Variants in KIF26B observed in about 807,000 individuals in gnomAD.
The protein encoded by KIF26B is kinesin family member 26B, also known as kinesin-like protein KIF26B.
In KIF26B, 63 loss-of-function variants were observed where a neutral mutation model predicts 151.2. That is an observed-to-expected ratio of 0.42 (90% CI 0.34 to 0.51). The LOEUF (loss-of-function observed/expected upper bound fraction) is 0.51, where lower values mean the gene tolerates loss of function less well. Among genes scored for constraint, KIF26B ranks in the 20% least tolerant of loss-of-function variants. The probability of loss-of-function intolerance (pLI) is 0.07; values close to 1 mark genes in which losing one functional copy is unlikely to be tolerated. For missense variants in KIF26B, 2,813 were observed against 2,913.6 expected (o/e 0.97, Z 0.79); for synonymous variants, 1,357 against 1,262.1 (o/e 1.08, Z -1.59).
chr1:245,536,301 CTCTT>C (rs1386859357), intron 4 of KIF26B, among the ~76,000 whole-genome samples: 6 of 151,956 alleles, frequency 3.9e-5, no homozygotes, highest in Non-Finnish European at 7.3e-5. Context: ...TCTTGAAAGA[CTCTT>C]TCCTTCCTCT....
intron 2 of KIF26B, among the ~76,000 whole-genome samples, chr1:245,312,980 T>C (rs1375575697): frequency 6.6e-6 from 1 of 151,952 alleles, no homozygotes; most frequent in African/African-American, 2.4e-5. Context: ...GCCAACCTGG[T>C]GAGACCCGTC....
At chr1:245,426,177 C>G (rs1176184077) in intron 4 of KIF26B, among the ~76,000 whole-genome samples, 1 of 151,714 alleles carries the variant, frequency 6.6e-6, no homozygotes, top group Middle Eastern at 3.2e-3. Context: ...GCTTCTTTCT[C>G]TCTCTCCCCC....
intron 5 of KIF26B, among the ~76,000 whole-genome samples, chr1:245,570,438 C>G (rs368975189): frequency 9.2e-5 from 14 of 152,312 alleles, no homozygotes; most frequent in African/African-American, 3.1e-4. Flanking sequence ...CTGATACCAA[C>G]TGGGGCTTTC....
intron 9 of KIF26B, 107 bp downstream of exon 9, chr1:245,612,083 TGTGTG>T: frequency 1.4e-6 from 1 of 701,926 alleles, no homozygotes. Flanking sequence ...TGTGTGTGTG[TGTGTG>T]TGTGTGTGTG....
intron 2 of KIF26B, among the ~76,000 whole-genome samples, chr1:245,221,401 T>G (rs1669765317): frequency 6.8e-6 from 1 of 147,838 alleles, no homozygotes; most frequent in Admixed American, 6.8e-5. Flanking sequence ...AAAAAAAAAT[T>G]CTGTTCTTCC....
At chr1:245,463,485 G>C (rs371964722) in intron 4 of KIF26B, among the ~76,000 whole-genome samples, 1 of 152,228 alleles carries the variant, frequency 6.6e-6, no homozygotes, top group African/African-American at 2.4e-5. Context: ...GGAAAGGGCA[G>C]CTGGGGGTGA....
At chr1:245,175,680 A>G (rs1452453145) in intron 2 of KIF26B, among the ~76,000 whole-genome samples, 1 of 152,132 alleles carries the variant, frequency 6.6e-6, no homozygotes, top group African/African-American at 2.4e-5. Context: ...TCCACACATG[A>G]TTAAAAATAG....
chr1:245,464,522 T>A (rs1007117630), intron 4 of KIF26B, among the ~76,000 whole-genome samples: 12 of 147,564 alleles, frequency 8.1e-5, no homozygotes, highest in Admixed American at 8.1e-4. Flanking sequence ...TGTGGATGTG[T>A]GGCACCATGT....
Position 245,544,264 on chromosome 1 carries a change from G to A in KIF26B, c.1350+3314G>A, listed in dbSNP as rs866437979. 1.2e-4 allele frequency among the ~76,000 whole-genome samples: 18 copies of A among 152,216 alleles called. 1 individual carries two copies. In the South Asian group the frequency reaches 2.7e-3, roughly 23 times the overall value. On this transcript the variant is annotated intron_variant, in intron 5 of 14. Transcript: ENST00000407071. ...TTAATATAGAACATAAATAATTGGC[G>A]CTATATATAAATCGGCAGGTTTGAG...
chr1:245,526,706 G>A (rs948616523), intron 4 of KIF26B, among the ~76,000 whole-genome samples: 5 of 152,156 alleles, frequency 3.3e-5, no homozygotes, highest in Non-Finnish European at 5.9e-5. Context: ...AAAGAGTTAC[G>A]GATTAAAGGC....
chr1:245,388,849 G>C (rs550871522), intron 3 of KIF26B, among the ~76,000 whole-genome samples: 3 of 152,310 alleles, frequency 2.0e-5, no homozygotes, highest in African/African-American at 7.2e-5. Context: ...CTATTTCAAG[G>C]AAAGTCAGGG....
chr1:245,186,680 G>C (rs773853929), intron 2 of KIF26B, among the ~76,000 whole-genome samples: 3 of 152,118 alleles, frequency 2.0e-5, no homozygotes, highest in Non-Finnish European at 4.4e-5. Flanking sequence ...TGTAAAGTGG[G>C]ACTCTTAGTA....
intron 4 of KIF26B, among the ~76,000 whole-genome samples, chr1:245,440,425 G>T (rs1213133051): frequency 3.3e-5 from 5 of 152,110 alleles, no homozygotes; most frequent in East Asian, 1.9e-4. Context: ...CTCTTAAGAC[G>T]GGGAAGAAGC....
rs761596817 is a variant in KIF26B at position 245,155,504 on chromosome 1, C to A, written c.63+17C>A. The A allele has an allele frequency of 1.2e-5, 19 of 1,601,486 alleles. No individual in the cohort carries two copies. In the East Asian group the frequency reaches 3.1e-4, roughly 26 times the overall value. ...AAATACGGGGTAAGTTGTGACGGTA[C>A]GACGCGGAGACGCGTTACCAGACCC... On this transcript the variant is annotated intron_variant, in intron 1 of 14. Coordinates refer to ENST00000407071, the MANE Select transcript of KIF26B (RefSeq NM_018012.4).
intron 2 of KIF26B, among the ~76,000 whole-genome samples, chr1:245,333,888 C>A (rs1276944269): frequency 6.6e-6 from 1 of 152,064 alleles, no homozygotes; most frequent in East Asian, 1.9e-4. Flanking sequence ...ATGCCAGCTA[C>A]TCGGGAGGCT....
At chr1:245,382,096 G>T (rs764970831) in intron 3 of KIF26B, among the ~76,000 whole-genome samples, 1 of 152,108 alleles carries the variant, frequency 6.6e-6, no homozygotes, top group African/African-American at 2.4e-5. Context: ...GAAGTAGAAC[G>T]GCTGGGTCAA....
At chr1:245,534,656 GT>G (rs564126951) in intron 4 of KIF26B, among the ~76,000 whole-genome samples, 19 of 152,000 alleles carry the variant, frequency 1.3e-4, no homozygotes, top group Non-Finnish European at 2.5e-4. Flanking sequence ...AGTTATGGTA[GT>G]TTTTAAGTTA....
At chr1:245,501,844 A>G (rs1250705512) in intron 4 of KIF26B, among the ~76,000 whole-genome samples, 1 of 152,178 alleles carries the variant, frequency 6.6e-6, no homozygotes, top group Non-Finnish European at 1.5e-5. Flanking sequence ...CTTTAGAACT[A>G]GGCAATTGCT....
chr1:245,646,268 A>G lies in KIF26B; in HGVS notation c.2246A>G (p.His749Arg). ...VILALVNGSK[H>R]IPYKESKLAM... Reference sequence around the variant, plus strand: ...CTGGCTCTCGTCAATGGCAGCAAACACATTCCATACAAGTAAGTGACTCTT... The same window carrying G: ...CTGGCTCTCGTCAATGGCAGCAAACGCATTCCATACAAGTAAGTGACTCTT... The change falls in exon 10 of 15, where the codon CAC becomes CGC. Residue 749 changes from histidine to arginine, a missense_variant. Transcript: ENST00000407071. 6.2e-7 allele frequency: 1 copy of G among 1,613,698 alleles called. No individual in the cohort carries two copies. The highest frequency in any genetic ancestry group is 8.5e-7 in the Non-Finnish European group (1 of 1,179,832).
Sources: gnomAD v4.1 joint callset for allele counts (sites outside exome capture counted in the v4.1 genomes callset) on GRCh38, gnomAD v4.1.1 for gene constraint, MANE v1.5 for transcripts, NCBI Gene and HGNC (gene_info 2026-07-23, HGNC 2026-07-21) for gene names.